Variants in PAX5 observed in about 807,000 individuals in gnomAD.
PAX5 encodes the protein paired box protein Pax-5.
A neutral mutation model predicts 43.7 loss-of-function variants in PAX5; 9 were observed. That is an observed-to-expected ratio of 0.21 (90% CI 0.12 to 0.36). The LOEUF is 0.36. Among genes scored for constraint, PAX5 ranks in the 10% least tolerant of loss-of-function variants. The pLI is 1.00. For synonymous variants in PAX5, 228 were observed against 214.3 expected (o/e 1.06, Z -0.56); for missense variants, 383 against 532.7 (o/e 0.72, Z 2.77).
At chr9:36,998,472 C>T (rs1439428529) in intron 5 of PAX5, among the ~76,000 whole-genome samples, 8 of 152,158 alleles carry the variant, frequency 5.3e-5, no homozygotes, top group Non-Finnish European at 1.0e-4. Flanking sequence ...TAATTGTGAA[C>T]CCTCTAAAGG....
At chr9:37,022,758 G>A (rs1839962474) in intron 1 of PAX5, among the ~76,000 whole-genome samples, 1 of 152,202 alleles carries the variant, frequency 6.6e-6, no homozygotes, top group African/African-American at 2.4e-5. Context: ...CTCAAGGTGA[G>A]AGCAGGTCCC....
intron 6 of PAX5, chr9:36,930,981 G>A (rs989474565): frequency 2.2e-5 from 13 of 582,328 alleles, no homozygotes; most frequent in Admixed American, 1.2e-4. Context: ...ACACAGACAC[G>A]TGAGAAGGAG....
At chr9:36,906,230 T>C (rs1223665015) in intron 7 of PAX5, among the ~76,000 whole-genome samples, 1 of 152,212 alleles carries the variant, frequency 6.6e-6, no homozygotes, top group Non-Finnish European at 1.5e-5. Context: ...AAAGGGACTT[T>C]GCAGATGTGA....
chr9:36,898,056 C>A (rs368945836), intron 7 of PAX5, among the ~76,000 whole-genome samples: 1 of 152,172 alleles, frequency 6.6e-6, no homozygotes, highest in South Asian at 2.1e-4. Context: ...AAAATGGGAA[C>A]CATGCCCCTT....
intron 7 of PAX5, among the ~76,000 whole-genome samples, chr9:36,889,944 G>T (rs550795089): frequency 8.7e-6 from 1 of 114,472 alleles, no homozygotes. Flanking sequence ...ACACTAACGG[G>T]GGGGGGGGGA....
rs1587711098 is a variant in PAX5, at chr9:36,837,330, T to C, written c.*3230A>G. On this transcript the variant is annotated 3_prime_UTR_variant, in exon 10 of 10. Coordinates refer to ENST00000358127, the MANE Select transcript of PAX5 (RefSeq NM_016734.3). ...ATGGAAGGGCTAGCCTTAACTAAGG[T>C]GCCTTGGGAAAGGGATGTTGGGTTT... 1 of 233,158 alleles carries C rather than the reference T, an allele frequency of 4.3e-6. No homozygotes were observed. The highest frequency in any genetic ancestry group is 1.8e-4 in the South Asian group (1 of 5,532). 14.4% of individuals were successfully genotyped at this position (233,158 alleles called of 1,614,324 possible).
At chr9:36,936,852 A>G (rs200490984) in intron 6 of PAX5, among the ~76,000 whole-genome samples, 8 of 14,248 alleles carry the variant, frequency 5.6e-4, no homozygotes, top group Admixed American at 5.6e-3. Flanking sequence ...ACACACATGC[A>G]CACACACACA....
At chr9:36,917,332 T>C (rs913810166) in intron 7 of PAX5, among the ~76,000 whole-genome samples, 2 of 152,104 alleles carry the variant, frequency 1.3e-5, no homozygotes, top group South Asian at 4.1e-4. Context: ...GCTTGTAAGA[T>C]AAATAAGGAA....
At chr9:36,975,330 C>T (rs1385677632) in intron 5 of PAX5, among the ~76,000 whole-genome samples, 1 of 152,108 alleles carries the variant, frequency 6.6e-6, no homozygotes, top group Non-Finnish European at 1.5e-5. Context: ...TCATGGGGGC[C>T]CGGGTTCGAA....
Position 36,833,814 on chromosome 9 carries a change from A to G in PAX5, c.*6746T>C, listed in dbSNP as rs1180011193. 4.3e-6 allele frequency: 1 copy of G among 232,224 alleles called. No homozygotes were observed. Among genetic ancestry groups the G allele is most frequent in the Non-Finnish European group, 8.5e-6 (1 of 117,862 alleles). The allele number at this position is 232,224 out of a possible 1,614,324, so 14.4% of individuals were successfully genotyped here. ...ATCCGTTGGAGACAGATCATCTCCC[A>G]CTTTCAAAGGCAATTCAATTGTGGT... On this transcript the variant is annotated 3_prime_UTR_variant, in exon 10 of 10. Coordinates refer to ENST00000358127, the MANE Select transcript of PAX5 (RefSeq NM_016734.3).
rs1839407392 is a variant in PAX5, at chr9:37,016,603, AC to A, written c.213-1410del. Among the ~76,000 whole-genome samples, 7 of 152,330 alleles carry A rather than the reference AC, an allele frequency of 4.6e-5. No homozygotes were observed. In the South Asian group the frequency reaches 1.5e-3, roughly 32 times the overall value. On this transcript the variant is annotated intron_variant, in intron 2 of 9. Coordinates refer to ENST00000358127, the MANE Select transcript of PAX5 (RefSeq NM_016734.3). ...ATTTCTTTTCTGAATCTGAGACATC[AC>A]CAGACGTCTCTCTCAATATTTACAG...
intron 6 of PAX5, among the ~76,000 whole-genome samples, chr9:36,947,812 A>T (rs971243666): frequency 6.6e-6 from 1 of 151,174 alleles, no homozygotes; most frequent in Admixed American, 6.6e-5. Flanking sequence ...CCTTTCCCAG[A>T]CTGAACGCAT....
At chr9:36,932,875 G>T (rs1188922230) in intron 6 of PAX5, among the ~76,000 whole-genome samples, 1 of 152,066 alleles carries the variant, frequency 6.6e-6, no homozygotes, top group African/African-American at 2.4e-5. Flanking sequence ...CGTAATTATG[G>T]CTGGGCACGG....
intron 5 of PAX5, among the ~76,000 whole-genome samples, chr9:36,987,116 A>C (rs1836500311): frequency 6.6e-6 from 1 of 152,170 alleles, no homozygotes; most frequent in South Asian, 2.1e-4. Context: ...CAGGCCAGAG[A>C]GTGGCCAGTT....
chr9:36,971,932 A>C (rs1834953063), intron 5 of PAX5, among the ~76,000 whole-genome samples: 2 of 152,212 alleles, frequency 1.3e-5, no homozygotes, highest in African/African-American at 4.8e-5. Context: ...AAAGATCATA[A>C]ACCCATTGCA....
chr9:36,967,016 C>T (rs1834502971), intron 5 of PAX5, among the ~76,000 whole-genome samples: 1 of 152,200 alleles, frequency 6.6e-6, no homozygotes, highest in Admixed American at 6.5e-5. Context: ...CCCCACTTTG[C>T]AGATGAGAAG....
intron 9 of PAX5, among the ~76,000 whole-genome samples, chr9:36,841,024 A>G (rs927715889): frequency 6.6e-6 from 1 of 152,192 alleles, no homozygotes; most frequent in Non-Finnish European, 1.5e-5. Context: ...AGCCTAAAAT[A>G]TTTACTCTCT....
At chr9:37,008,675 C>T (rs1838676788) in intron 3 of PAX5, among the ~76,000 whole-genome samples, 1 of 152,160 alleles carries the variant, frequency 6.6e-6, no homozygotes, top group African/African-American at 2.4e-5. Context: ...AGCCTGGCTA[C>T]TTGAGCTCAG....
At chr9:36,875,479 AG>A (rs1825831044) in intron 8 of PAX5, among the ~76,000 whole-genome samples, 1 of 152,210 alleles carries the variant, frequency 6.6e-6, no homozygotes, top group Non-Finnish European at 1.5e-5. Flanking sequence ...TGAAAAGAGC[AG>A]GAAGCTCTGG....
Sources: allele counts gnomAD v4.1 joint callset (sites outside exome capture counted in the v4.1 genomes callset), GRCh38; gene constraint gnomAD v4.1.1; transcripts MANE v1.5; gene names NCBI Gene and HGNC (gene_info 2026-07-23, HGNC 2026-07-21).